The following SASH1 variants were observed in gnomAD, a reference collection of about 807,000 sequenced individuals.
SASH1 encodes the protein SAM and SH3 domain-containing protein 1.
Under a neutral mutation model 125.2 loss-of-function variants are expected in SASH1, and 44 were observed. That is an observed-to-expected ratio of 0.35 (90% confidence interval 0.28 to 0.45). The LOEUF is 0.45. Ranked by LOEUF, SASH1 falls within the 20% of genes least tolerant of loss-of-function variation. The pLI is 1.00. For missense variants in SASH1, 1,426 were observed against 1,614.5 expected (o/e 0.88, Z 2.00); for synonymous variants, 639 against 649.1 (o/e 0.98, Z 0.24).
chr6:148,285,616 A>G (rs1273274104), intron 1 of SASH1, among the ~76,000 whole-genome samples: 1 of 152,096 alleles, frequency 6.6e-6, no homozygotes, highest in Non-Finnish European at 1.5e-5. Context: ...TCTAAAACAG[A>G]CATTGATCAG....
the SASH1 span, among the ~76,000 whole-genome samples, chr6:148,247,784 G>GTAA: frequency 3.9e-5 from 6 of 152,174 alleles, no homozygotes; most frequent in African/African-American, 1.4e-4. Context: ...AACTAAAACC[G>GTAA]AATGTTAAGT....
At position 148,421,193 on chromosome 6, in the gene SASH1, GAAAGAAAGAAAGAAAGAAAGAA is replaced by G. The variant is rs879350819; in HGVS notation, c.286-18976_286-18955del. Among the ~76,000 whole-genome samples, 990 of 142,640 alleles carry G rather than the reference GAAAGAAAGAAAGAAAGAAAGAA, an allele frequency of 6.9e-3. 8 individuals are homozygous for G. Among genetic ancestry groups the G allele is most frequent in the Non-Finnish European group, 0.011 (696 of 64,232 alleles). The allele number at this position is 142,640 out of a possible 152,430, so 93.6% of individuals were successfully genotyped here. On this transcript the variant is annotated intron_variant, in intron 2 of 19. Transcript: ENST00000367467. ...AGAAAGAAAGAAAGAAAGAAAGAAAGAAAGAAAGAAAGAAAGAAAGAAAAAGAAAGAAAGAAGGAAGTGACTA... is the reference window on the plus strand; with the variant it reads ...AGAAAGAAAGAAAGAAAGAAAGAAAGAAAGAAAGAAAGAAGGAAGTGACTA...
chr6:148,296,501 G>A lies in SASH1; in HGVS notation n.74+24124G>A, dbSNP rs1486552365. Among the ~76,000 whole-genome samples the A allele has an allele frequency of 3.3e-5, 5 of 152,128 alleles. No homozygotes were observed. The East Asian group carries it at 7.7e-4, about 23-fold the overall frequency. On this transcript the variant is annotated intron_variant and non_coding_transcript_variant, in intron 1 of 3. Coordinates refer to the SASH1 transcript ENST00000367469. ...AGTAGACTTACTTAGCAGTTACTAT[G>A]TTCCTGGAGATAACTACAACAATAT...
At chr6:148,504,719 T>TA (rs1326310718) in intron 8 of SASH1, among the ~76,000 whole-genome samples, 2 of 106,994 alleles carry the variant, frequency 1.9e-5, no homozygotes, top group Non-Finnish European at 3.6e-5. Context: ...GGGTGGGCAC[T>TA]AGGAATGCAA....
At chr6:148,337,558 C>T (rs1195537381) in intron 1 of SASH1, among the ~76,000 whole-genome samples, 1 of 151,952 alleles carries the variant, frequency 6.6e-6, no homozygotes, top group Non-Finnish European at 1.5e-5. Context: ...GACGAGGTTT[C>T]ACCATGTTGG....
At chr6:148,337,649 A>C (rs985894246) in intron 1 of SASH1, among the ~76,000 whole-genome samples, 1 of 152,198 alleles carries the variant, frequency 6.6e-6, no homozygotes, top group African/African-American at 2.4e-5. Flanking sequence ...GACGTGAGCC[A>C]CTGTGCCTGG....
chr6:148,404,856 T>C (rs1414750926), intron 2 of SASH1, among the ~76,000 whole-genome samples: 1 of 146,970 alleles, frequency 6.8e-6, no homozygotes, highest in Non-Finnish European at 1.5e-5. Context: ...TCTGTTCATC[T>C]GATAGGGAAC....
intron 2 of SASH1, among the ~76,000 whole-genome samples, chr6:148,404,546 C>T (rs1784297880): frequency 6.9e-6 from 1 of 145,304 alleles, no homozygotes; most frequent in Non-Finnish European, 1.5e-5. Flanking sequence ...TTACTACCCA[C>T]CCCCAGCCCA....
At chr6:148,371,797 T>G (rs1478202447) in intron 1 of SASH1, among the ~76,000 whole-genome samples, 1 of 152,176 alleles carries the variant, frequency 6.6e-6, no homozygotes, top group Non-Finnish European at 1.5e-5. Flanking sequence ...GATGGTGAAG[T>G]ACCTGCCAGT....
chr6:148,205,837 G>T, the SASH1 span, among the ~76,000 whole-genome samples: 1 of 152,144 alleles, frequency 6.6e-6, no homozygotes, highest in African/African-American at 2.4e-5. Flanking sequence ...ATGGAGCATT[G>T]CTCTCTGATT....
the SASH1 span, among the ~76,000 whole-genome samples, chr6:148,207,769 C>T: frequency 8.5e-5 from 13 of 152,156 alleles, no homozygotes; most frequent in Admixed American, 2.6e-4. Context: ...CCTTTTAAAA[C>T]ATTTGTGAGT....
At chr6:148,464,561 T>G (rs940597155) in intron 4 of SASH1, among the ~76,000 whole-genome samples, 8 of 152,136 alleles carry the variant, frequency 5.3e-5, no homozygotes, top group African/African-American at 1.9e-4. Context: ...ATTAATTTCT[T>G]CCACCAGGAG....
At chr6:148,381,910 TAC>T (rs762378359) in intron 1 of SASH1, among the ~76,000 whole-genome samples, 2 of 152,242 alleles carry the variant, frequency 1.3e-5, no homozygotes, top group Non-Finnish European at 2.9e-5. Context: ...GTGCTGGAAT[TAC>T]AGGTGTGAGC....
chr6:148,496,002 A>AT lies in SASH1; in HGVS notation c.729+8303dup, dbSNP rs552373682. ...AGGCGCACGCCATCACGCCTGGCTAATTTTTTTTTTTTTTTTGTATTTTTT... is the reference window on the plus strand; with the variant it reads ...AGGCGCACGCCATCACGCCTGGCTAATTTTTTTTTTTTTTTTTGTATTTTTT... On this transcript the variant is annotated intron_variant, in intron 8 of 19. Transcript: ENST00000367467. Among the ~76,000 whole-genome samples the AT allele has an allele frequency of 3.4e-3, 483 of 142,474 alleles. 3 individuals are homozygous for AT. The highest frequency in any genetic ancestry group is 4.9e-3 in the African/African-American group (190 of 38,696). 93.5% of individuals were successfully genotyped at this position (142,474 alleles called of 152,430 possible). A position where few individuals can be genotyped will look rare whatever the true frequency, so the allele number is the denominator to read the frequency against.
chr6:148,313,206 A>G (rs1780382716), intron 1 of SASH1, among the ~76,000 whole-genome samples: 1 of 152,150 alleles, frequency 6.6e-6, no homozygotes, highest in African/African-American at 2.4e-5. Flanking sequence ...TGGACATACT[A>G]TTCCTAATGT....
At chr6:148,328,606 A>G (rs1303254827) in intron 1 of SASH1, among the ~76,000 whole-genome samples, 2 of 151,266 alleles carry the variant, frequency 1.3e-5, no homozygotes, top group African/African-American at 4.9e-5. Context: ...AAAAAAAAAA[A>G]TAGTGGCAAG....
At chr6:148,348,688 A>G (rs1013905260) in intron 1 of SASH1, among the ~76,000 whole-genome samples, 32 of 152,166 alleles carry the variant, frequency 2.1e-4, no homozygotes, top group African/African-American at 6.8e-4. Flanking sequence ...TGAGAGTTGG[A>G]TCATGTATTT....
chr6:148,206,793 G>GCACACACACACACACACACA, the SASH1 span, among the ~76,000 whole-genome samples: 6 of 134,460 alleles, frequency 4.5e-5, no homozygotes, highest in African/African-American at 1.7e-4. Flanking sequence ...CCATCTCAAA[G>GCACACACACACACACACACA]CACACACACA....
chr6:148,512,417 A>G, intron 8 of SASH1: 1 of 961,344 alleles, frequency 1.0e-6, no homozygotes, highest in Non-Finnish European at 1.2e-6. Flanking sequence ...AGCTACATCA[A>G]GAGAGCAGAA....
Sources: gnomAD v4.1 joint callset for allele counts (sites outside exome capture counted in the v4.1 genomes callset) on GRCh38, gnomAD v4.1.1 for gene constraint, MANE v1.5 for transcripts, NCBI Gene and HGNC (gene_info 2026-07-23, HGNC 2026-07-21) for gene names.